Variants in RBFOX3 observed in about 807,000 individuals in gnomAD.
RBFOX3 encodes RNA binding fox-1 homolog 3, also known as RNA binding protein fox-1 homolog 3.
A neutral mutation model predicts 48.7 loss-of-function variants in RBFOX3; 17 were observed. The ratio of observed to expected loss-of-function variants is 0.35; its 90% confidence interval spans 0.24 to 0.52. The LOEUF (loss-of-function observed/expected upper bound fraction) is 0.52. RBFOX3 is among the 20% of genes least tolerant of loss of function. RBFOX3 has a pLI of 0.94. For synonymous variants in RBFOX3, 212 were observed against 209.5 expected, an observed-to-expected ratio of 1.01 and a Z score of -0.10; for missense variants, 382 against 497.5, an observed-to-expected ratio of 0.77 and a Z score of 2.21.
intron 4 of RBFOX3, among the ~76,000 whole-genome samples, chr17:79,128,216 G>A (rs936516604): frequency 6.6e-5 from 10 of 152,200 alleles, no homozygotes; most frequent in African/African-American, 2.4e-4. Context: ...CCAGTTTCCT[G>A]AGTGGCCAAC....
chr17:79,108,664 AC>A (rs2077903505), intron 5 of RBFOX3, among the ~76,000 whole-genome samples: 1 of 152,200 alleles, frequency 6.6e-6, no homozygotes, highest in Admixed American at 6.5e-5. Context: ...CAGCACGGCC[AC>A]CCTGGTTGTC....
At chr17:79,098,519 T>G (rs1402077045) in intron 9 of RBFOX3, 1 of 152,276 alleles carries the variant, frequency 6.6e-6, no homozygotes, top group African/African-American at 2.4e-5. Context: ...CAACCTCCCG[T>G]CAGCAGCTGG....
chr17:79,288,125 TCTC>T lies in RBFOX3; in HGVS notation c.-74+19596_-74+19598del, dbSNP rs760547011. On this transcript the variant is annotated intron_variant, in intron 3 of 14. Transcript: ENST00000693108. ...GCCACCTTCTCAGTGAAGCCTCTGATCTCCTCCTTCCCTTCTCTGCACCCCGGG... is the reference window on the plus strand; with the variant it reads ...GCCACCTTCTCAGTGAAGCCTCTGATCTCCTTCCCTTCTCTGCACCCCGGG... Among the ~76,000 whole-genome samples, 11 of 151,986 alleles carry T rather than the reference TCTC, an allele frequency of 7.2e-5. No homozygotes were observed. The East Asian group carries it at 1.9e-3, about 27-fold the overall frequency.
intron 1 of RBFOX3, among the ~76,000 whole-genome samples, chr17:79,549,051 G>C (rs80161588): frequency 6.6e-6 from 1 of 152,184 alleles, no homozygotes; most frequent in African/African-American, 2.4e-5. Context: ...ACTGAGGCTC[G>C]GGATGGGCAG....
chr17:79,489,989 C>T (rs1236364616), intron 1 of RBFOX3, among the ~76,000 whole-genome samples: 1 of 152,134 alleles, frequency 6.6e-6, no homozygotes, highest in Non-Finnish European at 1.5e-5. Context: ...ACACAGAGCA[C>T]CTCATTTTAG....
chr17:79,108,694 T>G (rs2077908107), intron 5 of RBFOX3, among the ~76,000 whole-genome samples: 14 of 152,234 alleles, frequency 9.2e-5, no homozygotes, highest in Admixed American at 9.2e-4. Context: ...AAGGACAGGC[T>G]GCTCCCCTGC....
At chr17:79,268,173 C>T (rs2067048250) in intron 3 of RBFOX3, among the ~76,000 whole-genome samples, 1 of 152,138 alleles carries the variant, frequency 6.6e-6, no homozygotes, top group African/African-American at 2.4e-5. Flanking sequence ...GTCTGCGAGT[C>T]TGCGAGGGTG....
At chr17:79,529,523 A>G (rs1266437656) in intron 1 of RBFOX3, among the ~76,000 whole-genome samples, 1 of 152,188 alleles carries the variant, frequency 6.6e-6, no homozygotes, top group Non-Finnish European at 1.5e-5. Context: ...GTGGCTGGCC[A>G]GCAGCATGGC....
intron 4 of RBFOX3, among the ~76,000 whole-genome samples, chr17:79,136,727 G>A (rs894128317): frequency 3.9e-5 from 6 of 152,152 alleles, no homozygotes; most frequent in Admixed American, 3.9e-4. Context: ...CCGACCTGAT[G>A]TCTCAGTCCT....
chr17:79,316,997 C>T (rs1568029850), intron 2 of RBFOX3, among the ~76,000 whole-genome samples: 1 of 152,172 alleles, frequency 6.6e-6, no homozygotes, highest in South Asian at 2.1e-4. Flanking sequence ...TGTGCACGCA[C>T]ACACACAGAT....
Position 79,220,688 on chromosome 17 carries a change from G to C in RBFOX3, c.-34+15078C>G. ...GAATGGGGAGGACACTTTACTGAAG[G>C]TTAGAACAATTCTCATAAGGTCCCT... On this transcript the variant is annotated intron_variant, in intron 4 of 14. Transcript: ENST00000693108. The surrounding 1 kb of genome is among the most constrained non-coding windows in gnomAD (Gnocchi z 5.9). Among the ~76,000 whole-genome samples the C allele has an allele frequency of 6.6e-6, 1 of 152,108 alleles. No homozygotes were observed. Among genetic ancestry groups the C allele is most frequent in the Non-Finnish European group, 1.5e-5 (1 of 68,032 alleles).
chr17:79,398,417 G>A (rs2062324628), intron 2 of RBFOX3, among the ~76,000 whole-genome samples: 1 of 152,178 alleles, frequency 6.6e-6, no homozygotes, highest in African/African-American at 2.4e-5. Flanking sequence ...GGCCTGGCAG[G>A]AGGACACAGC....
In RBFOX3 at chr17:79,480,186, G is replaced by A. The variant is rs915885027; in HGVS notation, c.-175+2268C>T. ...CTGCTTCTCTGTCCCATACAGGCTG[G>A]GGTGTGTGGCCTTCCTATCTGGGCT... On this transcript the variant is annotated intron_variant, in intron 2 of 14. Coordinates refer to ENST00000693108, the MANE Select transcript of RBFOX3 (RefSeq NM_001350451.2). The surrounding 1 kb of genome is among the most constrained non-coding windows in gnomAD (Gnocchi z 4.8). Among the ~76,000 whole-genome samples, 4 of 152,198 alleles carry A rather than the reference G, an allele frequency of 2.6e-5. No individual in the cohort carries two copies. Among genetic ancestry groups the A allele is most frequent in the African/African-American group, 4.8e-5 (2 of 41,448 alleles).
chr17:79,452,206 G>A (rs550261522), intron 2 of RBFOX3, among the ~76,000 whole-genome samples: 2 of 152,336 alleles, frequency 1.3e-5, no homozygotes, highest in East Asian at 1.9e-4. Flanking sequence ...GGAGGAAGGC[G>A]GAGGTGAGAG....
intron 2 of RBFOX3, among the ~76,000 whole-genome samples, chr17:79,349,249 C>G (rs988332062): frequency 6.6e-6 from 1 of 152,080 alleles, no homozygotes; most frequent in African/African-American, 2.4e-5. Context: ...TTCCACTGAG[C>G]TGTGGGCTGC....
rs145682106 is a variant in RBFOX3 at position 79,363,579 on chromosome 17, T to TG, written c.-174-55756dup. 1.3e-5 allele frequency among the ~76,000 whole-genome samples: 2 copies of TG among 152,000 alleles called. No homozygotes were observed. Among genetic ancestry groups the TG allele is most frequent in the African/African-American group, 4.8e-5 (2 of 41,346 alleles). ...CCTTCCTGTTCCTGCCCAGCTTCCC[T>TG]GGGGGGTCTCCGCGAGCAACATACC... On this transcript the variant is annotated intron_variant, in intron 2 of 14. Transcript: ENST00000693108. The surrounding 1 kb of genome is among the most constrained non-coding windows in gnomAD (Gnocchi z 4.7).
intron 2 of RBFOX3, among the ~76,000 whole-genome samples, chr17:79,459,916 T>G (rs1334220559): frequency 6.6e-6 from 1 of 152,154 alleles, no homozygotes; most frequent in Non-Finnish European, 1.5e-5. Flanking sequence ...CCCTTGATGG[T>G]TGAATGGATA....
chr17:79,091,934 C>T (rs750823220), intron 14 of RBFOX3: 45 of 983,500 alleles, frequency 4.6e-5, no homozygotes, highest in Non-Finnish European at 5.3e-5. Context: ...CTTGTGACTA[C>T]GTCGGCAAGA....
intron 2 of RBFOX3, among the ~76,000 whole-genome samples, chr17:79,469,040 T>C (rs1280137620): frequency 6.6e-6 from 1 of 152,076 alleles, no homozygotes; most frequent in African/African-American, 2.4e-5. Flanking sequence ...GATAGATAGA[T>C]AGACTGATTG....
Sources: allele counts gnomAD v4.1 joint callset (sites outside exome capture counted in the v4.1 genomes callset), GRCh38; gene constraint gnomAD v4.1.1; non-coding constraint Gnocchi (gnomAD v3.1); transcripts MANE v1.5; gene names NCBI Gene and HGNC (gene_info 2026-07-23, HGNC 2026-07-21).